The following COL4A1 variants were observed in gnomAD, a reference collection of about 807,000 sequenced individuals.
COL4A1 encodes collagen type IV alpha 1 chain, also known as collagen alpha-1(IV) chain.
A neutral mutation model predicts 216.6 loss-of-function variants in COL4A1; 40 were observed. The observed-to-expected ratio is 0.18, with a 90% confidence interval of 0.14 to 0.24. COL4A1 has a LOEUF of 0.24. Among genes scored for constraint, COL4A1 ranks in the 10% least tolerant of loss-of-function variants. COL4A1 has a pLI of 1.00. For synonymous variants in COL4A1, 839 were observed against 810.7 expected (o/e 1.03, Z -0.59); for missense variants, 1,628 against 2,196.8 (o/e 0.74, Z 5.18).
chr13:110,205,293 C>T (rs776378583), intron 17 of COL4A1, 60 bp downstream of exon 17: 12 of 1,596,686 alleles, frequency 7.5e-6, no homozygotes, highest in Non-Finnish European at 1.0e-5. Context: ...AAAGAATAAA[C>T]AGACTTCTGG....
intron 31 of COL4A1, 70 bp downstream of exon 31, chr13:110,178,853 C>T (rs917133991): frequency 1.8e-5 from 22 of 1,193,456 alleles, no homozygotes; most frequent in Admixed American, 9.7e-5. Context: ...ATAGGGACCC[C>T]GGCCTCATCC....
intron 1 of COL4A1, among the ~76,000 whole-genome samples, chr13:110,282,852 C>T (rs538551791): frequency 3.3e-5 from 5 of 152,316 alleles, no homozygotes; most frequent in Admixed American, 3.3e-4. Flanking sequence ...ATTGTCCATG[C>T]TAAGTTCACT....
chr13:110,247,826 TGTGTGTGTGG>T lies in COL4A1; in HGVS notation c.85-5102_85-5093del, dbSNP rs1453196509. On this transcript the variant is annotated intron_variant, in intron 1 of 51. Coordinates refer to ENST00000375820, the MANE Select transcript of COL4A1 (RefSeq NM_001845.6). ...GTGTGTGTGTGTGTGTGTGTGTGTG[TGTGTGTGTGG>T]CAGAGAGAGAGGGAGGGAGGGAGGG... Among the ~76,000 whole-genome samples, 254 of 118,608 alleles carry T rather than the reference TGTGTGTGTGG, an allele frequency of 2.1e-3. 3 individuals carry two copies. Among genetic ancestry groups the T allele is most frequent in the African/African-American group, 7.3e-3 (221 of 30,472 alleles). 77.8% of individuals were successfully genotyped at this position (118,608 alleles called of 152,430 possible).
At chr13:110,265,720 A>C (rs1199753036) in intron 1 of COL4A1, 2 of 152,250 alleles carry the variant, frequency 1.3e-5, no homozygotes, top group Non-Finnish European at 2.9e-5. Flanking sequence ...CTACGTCACT[A>C]GGTGCCTTCC....
chr13:110,292,685 A>ACTC (rs929364797), intron 1 of COL4A1, among the ~76,000 whole-genome samples: 1 of 152,116 alleles, frequency 6.6e-6, no homozygotes, highest in African/African-American at 2.4e-5. Context: ...TCTCATGAGA[A>ACTC]CTCACTCACT....
rs200112908 is a variant in COL4A1 at position 110,203,105 on chromosome 13, C to CG, written c.999+460dup. On this transcript the variant is annotated intron_variant, in intron 18 of 51. Coordinates refer to ENST00000375820, the MANE Select transcript of COL4A1 (RefSeq NM_001845.6). ...GCGGGCACCTGCGATCACAGCTACA[C>CG]GGGGGGCTGAGATGGGAGAATCACT... Among the ~76,000 whole-genome samples the CG allele has an allele frequency of 3.8e-3, 575 of 151,940 alleles. 4 individuals carry two copies. The highest frequency in any genetic ancestry group is 0.013 in the African/African-American group (530 of 41,436).
chr13:110,163,693 C>T lies in COL4A1; in HGVS notation c.4151-132G>A, dbSNP rs16975426. ...CTCACTGCAGATGAGAACGTTTTCT[C>T]GGACAGCCAGGAGTTGCTTCCCACA... On this transcript the variant is annotated intron_variant, in intron 46 of 51. Coordinates refer to ENST00000375820, the MANE Select transcript of COL4A1 (RefSeq NM_001845.6). 2.9e-3 allele frequency: 2,552 copies of T among 892,154 alleles called. 79 individuals carry two copies. In the East Asian group the frequency reaches 0.052, roughly 18 times the overall value. The allele number at this position is 892,154 out of a possible 1,614,324, so 55.3% of individuals were successfully genotyped here. A position where few individuals can be genotyped will look rare whatever the true frequency, so the allele number is the denominator to read the frequency against.
At chr13:110,230,699 C>T (rs1247325911) in intron 2 of COL4A1, among the ~76,000 whole-genome samples, 2 of 152,232 alleles carry the variant, frequency 1.3e-5, no homozygotes, top group Non-Finnish European at 2.9e-5. Flanking sequence ...GCCCCAGTCA[C>T]GCCAGCGTGC....
At chr13:110,199,987 C>T (rs932710109) in intron 20 of COL4A1, among the ~76,000 whole-genome samples, 8 of 151,946 alleles carry the variant, frequency 5.3e-5, no homozygotes, top group African/African-American at 9.7e-5. Flanking sequence ...TGTGGGGTGT[C>T]GTCTGTTCCC....
intron 28 of COL4A1, 54 bp from the exon 29 acceptor site, chr13:110,181,443 T>C: frequency 6.7e-7 from 1 of 1,482,840 alleles, no homozygotes; most frequent in East Asian, 2.4e-5. Context: ...GCGATTACAA[T>C]GCCGTTCCCC....
intron 2 of COL4A1, among the ~76,000 whole-genome samples, chr13:110,240,618 T>C (rs7317064): frequency 0.018 from 2,754 of 152,344 alleles, 65 homozygotes; most frequent in African/African-American, 0.058. Context: ...TTGGGCAATG[T>C]TGAGATGAAA....
rs1268245401 is a variant in COL4A1 at position 110,253,087 on chromosome 13, T to C, written c.85-10353A>G. On this transcript the variant is annotated intron_variant, in intron 1 of 51. Transcript: ENST00000375820. Reference sequence around the variant, plus strand: ...ACATATACATATAACTATAAGTACGTATGTATTACATATACATATAACTAT... The same window carrying C: ...ACATATACATATAACTATAAGTACGCATGTATTACATATACATATAACTAT... 2.5e-5 allele frequency among the ~76,000 whole-genome samples: 3 copies of C among 118,620 alleles called. 1 individual carries two copies. The highest frequency in any genetic ancestry group is 1.8e-5 in the Non-Finnish European group (1 of 56,470). The allele number at this position is 118,620 out of a possible 152,430, so 77.8% of individuals were successfully genotyped here. A position where few individuals can be genotyped will look rare whatever the true frequency, so the allele number is the denominator to read the frequency against.
At chr13:110,208,820 G>A (rs747503337) in intron 12 of COL4A1, 29 bp downstream of exon 12, 1 of 1,613,320 alleles carries the variant, frequency 6.2e-7, no homozygotes, top group Non-Finnish European at 8.5e-7. Context: ...TTTTCAACAT[G>A]AAAGCACTCC....
At chr13:110,209,292 CTTT>C in intron 11 of COL4A1, 97 bp downstream of exon 11, 1 of 1,133,438 alleles carries the variant, frequency 8.8e-7, no homozygotes, top group Non-Finnish European at 1.3e-6. Flanking sequence ...AATTTTCCAA[CTTT>C]TTTTTAGAGA....
chr13:110,274,296 G>T (rs907100998), intron 1 of COL4A1, among the ~76,000 whole-genome samples: 5 of 152,188 alleles, frequency 3.3e-5, no homozygotes, highest in African/African-American at 9.6e-5. Context: ...TTCAAGGCAG[G>T]TTGGAAAGCA....
In COL4A1 at chr13:110,268,253, T is replaced by G. The variant is rs758803502; in HGVS notation, c.85-25519A>C. On this transcript the variant is annotated intron_variant, in intron 1 of 51. Transcript: ENST00000375820. This position sits in a 1 kb window ranked among gnomAD's most constrained non-coding sequence, Gnocchi z 4.1. ...TGCCAGTCCAAAACCAGGAAAGGCATATGGATGACGAATGGCTCTGCACAC... is the reference window on the plus strand; with the variant it reads ...TGCCAGTCCAAAACCAGGAAAGGCAGATGGATGACGAATGGCTCTGCACAC... Among the ~76,000 whole-genome samples, 1 of 152,086 alleles carries G rather than the reference T, an allele frequency of 6.6e-6. No individual in the cohort carries two copies. The highest frequency in any genetic ancestry group is 1.5e-5 in the Non-Finnish European group (1 of 68,012).
In COL4A1 at chr13:110,306,880, G is replaced by C. The variant is rs1480083855; in HGVS notation, c.84+64C>G. ...GCGGACGGGTCCAGGCGCGGACAAA[G>C]GGGCCTCTCGGGGCGCCCAAGCTCG... On this transcript the variant is annotated intron_variant, in intron 1 of 51. Coordinates refer to ENST00000375820, the MANE Select transcript of COL4A1 (RefSeq NM_001845.6). 10 of 1,386,160 alleles carry C rather than the reference G, an allele frequency of 7.2e-6. No individual in the cohort carries two copies. The East Asian group carries it at 3.1e-4, about 42-fold the overall frequency. The allele number at this position is 1,386,160 out of a possible 1,614,324, so 85.9% of individuals were successfully genotyped here. A position where few individuals can be genotyped will look rare whatever the true frequency, so the allele number is the denominator to read the frequency against.
At chr13:110,168,214 CAT>C (rs911924101) in intron 43 of COL4A1, among the ~76,000 whole-genome samples, 10 of 152,256 alleles carry the variant, frequency 6.6e-5, no homozygotes, top group Admixed American at 2.0e-4. Context: ...AGGGTTTTGC[CAT>C]GTTGGCCAGG....
At chr13:110,157,354 C>CTT (rs1157752476) in intron 49 of COL4A1, among the ~76,000 whole-genome samples, 6 of 152,328 alleles carry the variant, frequency 3.9e-5, no homozygotes, top group Non-Finnish European at 7.3e-5. Context: ...AAACTGCCAC[C>CTT]TTTTCTGCTC....
Sources: gnomAD v4.1 joint callset for allele counts (sites outside exome capture counted in the v4.1 genomes callset) on GRCh38, gnomAD v4.1.1 for gene constraint, Gnocchi (gnomAD v3.1) non-coding constraint, MANE v1.5 for transcripts, NCBI Gene and HGNC (gene_info 2026-07-23, HGNC 2026-07-21) for gene names.